The following RAB10 variants were observed in gnomAD, a reference collection of about 807,000 sequenced individuals.
RAB10 encodes the protein RAB10, member RAS oncogene family.
In RAB10, 5 loss-of-function variants were observed where a neutral mutation model predicts 25.7. That is an observed-to-expected ratio of 0.19 (90% confidence interval 0.10 to 0.41). The LOEUF is 0.41. Among genes scored for constraint, RAB10 ranks in the 10% least tolerant of loss-of-function variants. The pLI, the probability that RAB10 is intolerant of heterozygous loss-of-function variation, is 1.00. For missense variants in RAB10, 103 were observed against 245.8 expected, an observed-to-expected ratio of 0.42 and a Z score of 3.89; for synonymous variants, 89 against 86.4, an observed-to-expected ratio of 1.03 and a Z score of -0.16.
intron 1 of RAB10, among the ~76,000 whole-genome samples, chr2:26,057,144 T>G (rs13386625): frequency 0.034 from 5,207 of 152,284 alleles, 296 homozygotes; most frequent in African/African-American, 0.12. Context: ...GTAGGATATC[T>G]AAGTTAACGT....
chr2:26,070,608 C>G (rs1666604050), intron 1 of RAB10, among the ~76,000 whole-genome samples: 1 of 152,150 alleles, frequency 6.6e-6, no homozygotes, highest in Admixed American at 6.6e-5. Context: ...AGTTTAATGA[C>G]CTGCCCTTGA....
chr2:26,034,822 C>T, intron 1 of RAB10, 87 bp downstream of exon 1: 1 of 1,538,340 alleles, frequency 6.5e-7, no homozygotes, highest in East Asian at 2.3e-5. Flanking sequence ...GTAATATACG[C>T]CTTTGTTTCA....
chr2:26,070,829 C>G (rs1666608666), intron 1 of RAB10, among the ~76,000 whole-genome samples: 1 of 152,168 alleles, frequency 6.6e-6, no homozygotes. Context: ...AATTGTTTCT[C>G]AGTGGTTTTC....
intron 1 of RAB10, among the ~76,000 whole-genome samples, chr2:26,038,187 CTTTG>C (rs200674533): frequency 0.015 from 2,243 of 149,390 alleles, 39 homozygotes; most frequent in African/African-American, 0.04. Context: ...CACTGCCCTC[CTTTG>C]TTTGTTTGTT....
At chr2:26,054,013 CTTTTTTTTTTTTTTCCCTTCTGTTCTT>C (rs1666193264) in intron 1 of RAB10, among the ~76,000 whole-genome samples, 1 of 105,022 alleles carries the variant, frequency 9.5e-6, no homozygotes, top group Non-Finnish European at 2.1e-5. Flanking sequence ...CTTTTTCTTT[CTTTTTTTTTTTTTTCCCTTCTGTTCTT>C]TTTTTTTTTT....
chr2:26,076,064 A>C (rs1234065439), intron 1 of RAB10, among the ~76,000 whole-genome samples: 1 of 152,184 alleles, frequency 6.6e-6, no homozygotes, highest in Non-Finnish European at 1.5e-5. Flanking sequence ...TTGAGTAGCT[A>C]GAGTAGTATC....
At chr2:26,033,637 C>T (rs1274696113), upstream of RAB10, among the ~76,000 whole-genome samples, 1 of 152,246 alleles carries the variant, frequency 6.6e-6, no homozygotes, top group Non-Finnish European at 1.5e-5. Flanking sequence ...CACATGGCCA[C>T]CCAAGCCCGT....
At chr2:26,117,798 G>A (rs182365825) in intron 3 of RAB10, among the ~76,000 whole-genome samples, 138 of 152,214 alleles carry the variant, frequency 9.1e-4, no homozygotes, top group Non-Finnish European at 1.8e-3. Flanking sequence ...AAGTGCAGTG[G>A]ATTCCAATTT....
intron 3 of RAB10, among the ~76,000 whole-genome samples, chr2:26,119,221 A>C (rs1006903906): frequency 7.9e-5 from 12 of 152,156 alleles, no homozygotes; most frequent in African/African-American, 2.9e-4. Context: ...AGCTTGAGCA[A>C]CATAGCAAGA....
chr2:26,089,071 AG>A (rs1023949321), intron 1 of RAB10, among the ~76,000 whole-genome samples: 1 of 152,198 alleles, frequency 6.6e-6, no homozygotes, highest in Admixed American at 6.5e-5. Flanking sequence ...GAAAAACTGG[AG>A]GGAATAAGAC....
chr2:26,117,479 G>A (rs1667714041), intron 3 of RAB10, among the ~76,000 whole-genome samples: 1 of 152,078 alleles, frequency 6.6e-6, no homozygotes, highest in Admixed American at 6.6e-5. Flanking sequence ...GCCGGGCATG[G>A]TGGCGGGTGC....
intron 4 of RAB10, 107 bp downstream of exon 4, chr2:26,127,340 AGTTT>A (rs1667926660): frequency 1.8e-5 from 15 of 832,138 alleles, no homozygotes. Context: ...CTAATTACAT[AGTTT>A]TTAAAATGCT....
intron 1 of RAB10, among the ~76,000 whole-genome samples, chr2:26,066,022 G>A (rs1000772672): frequency 6.6e-6 from 1 of 152,056 alleles, no homozygotes; most frequent in African/African-American, 2.4e-5. Flanking sequence ...AGTGTTACAT[G>A]TTTTTAAACA....
chr2:26,097,544 C>T (rs909801479), intron 1 of RAB10, among the ~76,000 whole-genome samples: 1 of 152,210 alleles, frequency 6.6e-6, no homozygotes, highest in South Asian at 2.1e-4. Flanking sequence ...TCCCAAAGTG[C>T]TGGGATTACA....
chr2:26,090,530 A>T (rs1222950519), intron 1 of RAB10, among the ~76,000 whole-genome samples: 5 of 129,948 alleles, frequency 3.8e-5, no homozygotes, highest in Non-Finnish European at 3.3e-5. Flanking sequence ...TCTATATGTC[A>T]CTTTCTCTGT....
intron 2 of RAB10, among the ~76,000 whole-genome samples, chr2:26,103,247 G>T (rs1009870587): frequency 6.6e-6 from 1 of 152,134 alleles, no homozygotes; most frequent in African/African-American, 2.4e-5. Context: ...TCGGATTGAT[G>T]GATAAATGAA....
chr2:26,068,928 G>T (rs1026288231), intron 1 of RAB10, among the ~76,000 whole-genome samples: 8 of 152,166 alleles, frequency 5.3e-5, no homozygotes, highest in African/African-American at 1.7e-4. Flanking sequence ...GTGGGGGAGA[G>T]AATACAGTAC....
intron 1 of RAB10, among the ~76,000 whole-genome samples, chr2:26,084,293 GAATGGGTAATACCCTTTCA>G (rs1238464983): frequency 3.1e-4 from 47 of 152,112 alleles, no homozygotes; most frequent in African/African-American, 1.0e-3. Flanking sequence ...AAATTGGGGG[GAATGGGTAATACCCTTTCA>G]TAAGTTCCCC....
At chr2:26,091,068 G>A (rs947863685) in intron 1 of RAB10, among the ~76,000 whole-genome samples, 2 of 152,068 alleles carry the variant, frequency 1.3e-5, no homozygotes, top group African/African-American at 4.8e-5. Flanking sequence ...GGCAAAACAT[G>A]TTTCTCAGGG....
Sources: gnomAD v4.1 joint callset for allele counts (sites outside exome capture counted in the v4.1 genomes callset) on GRCh38, gnomAD v4.1.1 for gene constraint, MANE v1.5 for transcripts, NCBI Gene and HGNC (gene_info 2026-07-23, HGNC 2026-07-21) for gene names.